Variants in TRPM6 observed in about 807,000 individuals in gnomAD.
The protein encoded by TRPM6 is channel kinase 2.
Under a neutral mutation model 247.6 loss-of-function variants are expected in TRPM6, and 111 were observed. The ratio of observed to expected loss-of-function variants is 0.45; its 90% CI spans 0.38 to 0.52. The LOEUF is 0.52. Among genes scored for constraint, TRPM6 ranks in the 20% least tolerant of loss-of-function variants. The probability of loss-of-function intolerance (pLI) is 0.00; values close to 1 mark genes in which losing one functional copy is unlikely to be tolerated. For synonymous variants in TRPM6, 892 were observed against 853.8 expected (o/e 1.04, Z -0.78); for missense variants, 2,126 against 2,421.5 (o/e 0.88, Z 2.56).
intron 3 of TRPM6, among the ~76,000 whole-genome samples, chr9:74,853,507 G>T (rs1287029445): frequency 6.6e-6 from 1 of 152,202 alleles, no homozygotes; most frequent in Non-Finnish European, 1.5e-5. Flanking sequence ...ATTTTGTTCT[G>T]TACTAAGAAA....
At chr9:74,815,127 G>A (rs899998783) in intron 11 of TRPM6, among the ~76,000 whole-genome samples, 1 of 152,116 alleles carries the variant, frequency 6.6e-6, no homozygotes, top group Non-Finnish European at 1.5e-5. Flanking sequence ...GGTTGGGGGT[G>A]TTACGGAAGA....
intron 5 of TRPM6, among the ~76,000 whole-genome samples, chr9:74,834,945 T>C (rs1287012010): frequency 6.6e-6 from 1 of 152,198 alleles, no homozygotes; most frequent in Non-Finnish European, 1.5e-5. Flanking sequence ...CCTTTGGGTA[T>C]ATACCCAGTA....
At chr9:74,812,824 A>G (rs1429162375) in intron 11 of TRPM6, among the ~76,000 whole-genome samples, 1 of 151,942 alleles carries the variant, frequency 6.6e-6, no homozygotes. Context: ...CAAGGGGTCA[A>G]GGCTGCAGTA....
Position 74,840,210 on chromosome 9 carries a change from G to A in TRPM6, c.358C>T (p.Leu120=). Residue 120 remains leucine (L), a synonymous_variant, in exon 5 of 39, where the codon CTG becomes TTG. Transcript: ENST00000360774. The part of the protein sequence containing the change: ...KYIRTSYDTK[L]DHLLHLMLKE... ...AACATTAAATGTAACAGATGATCCA[G>A]TTTTGTATCATAAGAAGTTCTAATA... is the stretch of plus-strand genomic sequence containing the variant. 6.2e-7 allele frequency: 1 copy of A among 1,613,524 alleles called. No individual in the cohort carries two copies. The highest frequency in any genetic ancestry group is 1.1e-5 in the South Asian group (1 of 91,062).
At chr9:74,852,146 AAT>A (rs1830342238) in intron 3 of TRPM6, among the ~76,000 whole-genome samples, 1 of 151,690 alleles carries the variant, frequency 6.6e-6, no homozygotes, top group Admixed American at 6.6e-5. Context: ...TAAAAATTAG[AAT>A]TTTTTTTTTT....
At chr9:74,839,803 G>A (rs904357207) in intron 5 of TRPM6, among the ~76,000 whole-genome samples, 8 of 147,166 alleles carry the variant, frequency 5.4e-5, no homozygotes, top group African/African-American at 1.5e-4. Context: ...GAGATTATGT[G>A]GCACACTACC....
At chr9:74,741,456 C>T (rs1563992033) in intron 33 of TRPM6, among the ~76,000 whole-genome samples, 1 of 152,052 alleles carries the variant, frequency 6.6e-6, no homozygotes, top group Non-Finnish European at 1.5e-5. Flanking sequence ...ACTTTTCAAA[C>T]CTTTCAAATA....
chr9:74,842,270 T>C lies in TRPM6; in HGVS notation c.226A>G (p.Lys76Glu). Residue 76 changes from lysine (K) to glutamate (E), a missense_variant, in exon 4 of 39, where the codon AAA becomes GAA. Coordinates refer to ENST00000360774, the MANE Select transcript of TRPM6 (RefSeq NM_017662.5). Reference sequence around the variant, plus strand: ...TCAACAGACCATTGTTCACTTTCTTTACCCTTGGCAGCTGAGATGGTCCAG... The same window carrying C: ...TCAACAGACCATTGTTCACTTTCTTCACCCTTGGCAGCTGAGATGGTCCAG... ...YSWTISAAKG[K>E]ESEQWSVEKH... The C allele has an allele frequency of 6.2e-7, 1 of 1,614,164 alleles. No individual in the cohort carries two copies. Among genetic ancestry groups the C allele is most frequent in the Non-Finnish European group, 8.5e-7 (1 of 1,180,026 alleles).
At chr9:74,827,667 G>C in intron 7 of TRPM6, 111 bp downstream of exon 7, 1 of 1,127,004 alleles carries the variant, frequency 8.9e-7, no homozygotes, top group Non-Finnish European at 1.4e-6. Context: ...GAGTATTAAG[G>C]AGGCTAGCTT....
At position 74,887,304 on chromosome 9, in the gene TRPM6, G is replaced by C. The variant is rs61142161; in HGVS notation, c.33+520C>G. The C allele has an allele frequency of 4.1e-3, 5,642 of 1,368,778 alleles. 222 individuals carry two copies. In the African/African-American group the frequency reaches 0.075, roughly 18 times the overall value. 84.8% of individuals were successfully genotyped at this position (1,368,778 alleles called of 1,614,324 possible). Reference sequence around the variant, plus strand: ...GGCGCACGGGGACGCGCAGGGGCGCGGAGGGACGGCCGTCTGGGCACTTCT... The same window carrying C: ...GGCGCACGGGGACGCGCAGGGGCGCCGAGGGACGGCCGTCTGGGCACTTCT... On this transcript the variant is annotated intron_variant, in intron 1 of 38. Coordinates refer to ENST00000360774, the MANE Select transcript of TRPM6 (RefSeq NM_017662.5).
chr9:74,812,450 T>C lies in TRPM6; in HGVS notation c.1309-17A>G. On this transcript the variant is annotated splice_polypyrimidine_tract_variant and intron_variant, in intron 11 of 38. Transcript: ENST00000360774. ...GGCATCAGGCTTCAGAAAGCACAAA[T>C]AAGAAATATAAAGACAATTAAGAAA... 6.2e-7 allele frequency: 1 copy of C among 1,606,150 alleles called. No homozygotes were observed. The highest frequency in any genetic ancestry group is 8.5e-7 in the Non-Finnish European group (1 of 1,176,742).
At position 74,771,827 on chromosome 9, in the gene TRPM6, G is replaced by T; in HGVS notation, c.3412C>A (p.Leu1138Ile). The T allele has an allele frequency of 1.2e-6, 2 of 1,613,656 alleles. No homozygotes were observed. Among genetic ancestry groups the T allele is most frequent in the Non-Finnish European group, 1.7e-6 (2 of 1,179,726 alleles). Residue 1138 changes from leucine to isoleucine, a missense_variant, in exon 25 of 39, where the codon CTC (leucine) becomes ATC (isoleucine). Around this residue, in one of 3 missense-constraint regions of TRPM6, gnomAD observed 717 missense variants for 715.9 expected, o/e 1.00. Coordinates refer to ENST00000360774, the MANE Select transcript of TRPM6 (RefSeq NM_017662.5). Reference protein sequence around the residue: ...EEGDVGLKLYLSKEDLKKLHD... With the variant: ...EEGDVGLKLYISKEDLKKLHD... ...AGTTTTTTCAGATCCTCCTTACTGA[G>T]GTAGAGTTCTATAGAAATAAGTATG... is the stretch of plus-strand genomic sequence containing the variant.
intron 3 of TRPM6, 103 bp downstream of exon 3, chr9:74,855,424 T>A: frequency 1.2e-6 from 1 of 846,928 alleles, no homozygotes; most frequent in East Asian, 2.4e-5. Context: ...GTAAATGGCA[T>A]GCACCATTTA....
Position 74,724,346 on chromosome 9 carries a change from A to G in TRPM6, c.*267T>C. The G allele has an allele frequency of 1.9e-6, 1 of 513,304 alleles. No individual in the cohort carries two copies. The highest frequency in any genetic ancestry group is 3.5e-6 in the Non-Finnish European group (1 of 283,914). The allele number at this position is 513,304 out of a possible 1,614,324, so 31.8% of individuals were successfully genotyped here. On this transcript the variant is annotated 3_prime_UTR_variant, in exon 39 of 39. Transcript: ENST00000360774. ...GTGACCAGCTAAAGCAATGAGGTAC[A>G]CAAGAACAATATTCCCAGCTGACTC...
chr9:74,858,409 T>C (rs1043379254), intron 2 of TRPM6, among the ~76,000 whole-genome samples: 1 of 27,396 alleles, frequency 3.7e-5, no homozygotes, highest in African/African-American at 1.8e-4. Flanking sequence ...AACACAGATA[T>C]TTATCAAGAG....
chr9:74,734,792 A>G (rs12346814), intron 36 of TRPM6, among the ~76,000 whole-genome samples: 2 of 152,216 alleles, frequency 1.3e-5, no homozygotes, highest in Non-Finnish European at 1.5e-5. Context: ...AGAACTCCTT[A>G]TAAGAATGAG....
At chr9:74,807,977 A>G in intron 14 of TRPM6, 57 bp downstream of exon 14, 1 of 1,608,868 alleles carries the variant, frequency 6.2e-7, no homozygotes, top group Middle Eastern at 1.7e-4. Context: ...CCATTTTTCC[A>G]AAACAACAAT....
intron 6 of TRPM6, 129 bp downstream of exon 6, chr9:74,833,869 A>G: frequency 7.8e-7 from 1 of 1,274,244 alleles, no homozygotes; most frequent in Non-Finnish European, 1.1e-6. Context: ...GAAGCAGCAG[A>G]AAGTCAGGAG....
intron 37 of TRPM6, among the ~76,000 whole-genome samples, chr9:74,729,588 G>T (rs1825452358): frequency 6.6e-6 from 1 of 152,112 alleles, no homozygotes; most frequent in Admixed American, 6.6e-5. Context: ...CAGCTCTGGG[G>T]GTATTTACCC....
Sources: gnomAD v4.1 joint callset for allele counts (sites outside exome capture counted in the v4.1 genomes callset) on GRCh38, gnomAD v4.1.1 for gene constraint, gnomAD v4.1.1 regional missense constraint, MANE v1.5 for transcripts, NCBI Gene and HGNC (gene_info 2026-07-23, HGNC 2026-07-21) for gene names.